Variants in ZYG11A observed in about 807,000 individuals in gnomAD.
ZYG11A encodes the protein protein zyg-11 homolog A.
In ZYG11A, 62 loss-of-function variants were observed where a neutral mutation model predicts 77.2. The ratio of observed to expected loss-of-function variants is 0.80; its 90% CI spans 0.65 to 0.99. ZYG11A has a LOEUF of 0.99. ZYG11A is among the 50% of genes least tolerant of loss of function. The pLI, the probability that ZYG11A is intolerant of heterozygous loss-of-function variation, is 0.00. For missense variants in ZYG11A, 828 were observed against 896.8 expected, an observed-to-expected ratio of 0.92 and a Z score of 0.98; for synonymous variants, 315 against 324.6, an observed-to-expected ratio of 0.97 and a Z score of 0.32.
Position 52,862,534 on chromosome 1 carries a change from G to A in ZYG11A, c.1150-1447G>A, listed in dbSNP as rs544441168. Among the ~76,000 whole-genome samples the A allele has an allele frequency of 5.9e-5, 9 of 151,768 alleles. No individual in the cohort carries two copies. The South Asian group carries it at 1.9e-3, about 32-fold the overall frequency. On this transcript the variant is annotated intron_variant, in intron 4 of 13. Coordinates refer to ENST00000371528, the MANE Select transcript of ZYG11A (RefSeq NM_001004339.3). Reference sequence around the variant, plus strand: ...TCACCGTGTTAGCCAGGATGGTCTCGATTTCCTGACCTCGTGATCCGCCCG... The same window carrying A: ...TCACCGTGTTAGCCAGGATGGTCTCAATTTCCTGACCTCGTGATCCGCCCG...
intron 12 of ZYG11A, among the ~76,000 whole-genome samples, chr1:52,886,403 A>G (rs1055656032): frequency 3.3e-5 from 5 of 152,230 alleles, no homozygotes; most frequent in African/African-American, 7.2e-5. Flanking sequence ...TGAGGATGCA[A>G]TGAGATACTG....
In ZYG11A at chr1:52,845,790, T is replaced by C. The variant is rs113335163; in HGVS notation, c.90+2817T>C. 5.1e-3 allele frequency among the ~76,000 whole-genome samples: 781 copies of C among 151,892 alleles called. 7 individuals are homozygous for C. Among genetic ancestry groups the C allele is most frequent in the African/African-American group, 0.018 (758 of 41,426 alleles). The stretch of plus-strand genomic sequence containing the variant: ...GTCTGTGATCATAGCTCATCCTCCC[T>C]CCTCAGCCTCCCTAGTAGCTAGACT... On this transcript the variant is annotated intron_variant, in intron 1 of 13. Transcript: ENST00000371528.
Position 52,886,958 on chromosome 1 carries a change from C to A in ZYG11A, c.2009C>A (p.Ser670Tyr). ...CKMTALVTYR[S>Y]FKTFFPLLGN... ...CTTTGTACTTTTTTTTGTTTTAGAT[C>A]TTTCAAGACATTTTTCCCGCTCCTT... is the stretch of plus-strand genomic sequence containing the variant. The change falls in exon 13 of 14, where the codon TCT becomes TAT. Residue 670 changes from serine to tyrosine, a missense_variant and splice_region_variant. Ser to Tyr is a moderately radical substitution (Grantham distance 144). Transcript: ENST00000371528. The A allele has an allele frequency of 6.5e-7, 1 of 1,540,140 alleles. No individual in the cohort carries two copies. The highest frequency in any genetic ancestry group is 8.8e-7 in the Non-Finnish European group (1 of 1,137,534).
At chr1:52,852,348 G>C (rs913425759) in intron 1 of ZYG11A, among the ~76,000 whole-genome samples, 1 of 150,154 alleles carries the variant, frequency 6.7e-6, no homozygotes, top group South Asian at 2.1e-4. Context: ...CACCTGGCCC[G>C]ACAGTTAATT....
At chr1:52,883,726 C>T (rs892437894) in intron 11 of ZYG11A, among the ~76,000 whole-genome samples, 1 of 152,026 alleles carries the variant, frequency 6.6e-6, no homozygotes, top group Non-Finnish European at 1.5e-5. Flanking sequence ...CATGCCCAGC[C>T]TAATTTTTAA....
chr1:52,867,319 A>G (rs1646044137), intron 6 of ZYG11A, among the ~76,000 whole-genome samples: 1 of 152,152 alleles, frequency 6.6e-6, no homozygotes, highest in African/African-American at 2.4e-5. Context: ...GCTCATCTTT[A>G]TGTAAATTCT....
rs796555188 is a variant in ZYG11A at position 52,893,846 on chromosome 1, C to T, written c.*889C>T. On this transcript the variant is annotated 3_prime_UTR_variant, in exon 14 of 14. Transcript: ENST00000371528. ...TTTTTTTTTGTGACGGAATCTCGCT[C>T]TGTCGCCCAGGCTGGAGTGCAGTGG... 2.5e-5 allele frequency: 3 copies of T among 121,006 alleles called. No homozygotes were observed. The highest frequency in any genetic ancestry group is 9.8e-5 in the African/African-American group (3 of 30,666). The allele number at this position is 121,006 out of a possible 1,614,324, so 7.5% of individuals were successfully genotyped here.
chr1:52,869,917 C>CA (rs1437381096), intron 8 of ZYG11A, among the ~76,000 whole-genome samples: 1 of 147,760 alleles, frequency 6.8e-6, no homozygotes, highest in Non-Finnish European at 1.5e-5. Flanking sequence ...GGCTGACCCC[C>CA]CCCACACCTC....
At position 52,857,662 on chromosome 1, in the gene ZYG11A, A is replaced by C; in HGVS notation, c.921A>C (p.Ile307=). The part of the protein sequence containing the change: ...CITDEAVELF[I]RLRPAMQFVG... ...CTGATGAAGCTGTAGAACTGTTTAT[A>C]CGACTGCGGCCTGCCATGCAATTTG... The change falls in exon 3 of 14, where the codon ATA becomes ATC. Residue 307 remains isoleucine, a synonymous_variant. Coordinates refer to ENST00000371528, the MANE Select transcript of ZYG11A (RefSeq NM_001004339.3). 6.4e-7 allele frequency: 1 copy of C among 1,552,208 alleles called. No homozygotes were observed. The highest frequency in any genetic ancestry group is 8.7e-7 in the Non-Finnish European group (1 of 1,147,100).
chr1:52,884,515 G>A (rs932568690), intron 11 of ZYG11A, among the ~76,000 whole-genome samples: 10 of 149,670 alleles, frequency 6.7e-5, no homozygotes, highest in Admixed American at 1.3e-4. Context: ...AAAGCCGGGC[G>A]TGGTGGTGGG....
Position 52,842,760 on chromosome 1 carries a change from G to A in ZYG11A, c.-124G>A, listed in dbSNP as rs1337801445. On this transcript the variant is annotated 5_prime_UTR_variant, in exon 1 of 14. Coordinates refer to ENST00000371528, the MANE Select transcript of ZYG11A (RefSeq NM_001004339.3). ...CAAAAGCTCGCCGGCAGGGCGCGGCGCTAGCTCCGTGTGCCTCGCAGGCGT... is the reference window on the plus strand; with the variant it reads ...CAAAAGCTCGCCGGCAGGGCGCGGCACTAGCTCCGTGTGCCTCGCAGGCGT... 1.6e-5 allele frequency: 15 copies of A among 928,932 alleles called. No individual in the cohort carries two copies. Among genetic ancestry groups the A allele is most frequent in the East Asian group, 6.5e-5 (2 of 30,762 alleles). The allele number at this position is 928,932 out of a possible 1,614,324, so 57.5% of individuals were successfully genotyped here.
In ZYG11A at chr1:52,857,259, G is replaced by A. The variant is rs1031364343; in HGVS notation, c.518G>A (p.Arg173Lys). 1 of 1,552,128 alleles carries A rather than the reference G, an allele frequency of 6.4e-7. No individual in the cohort carries two copies. Among genetic ancestry groups the A allele is most frequent in the Non-Finnish European group, 8.7e-7 (1 of 1,147,118 alleles). The change falls in exon 3 of 14, where the codon AGA (arginine) becomes AAA (lysine). Residue 173 changes from arginine to lysine, a missense_variant. Coordinates refer to ENST00000371528, the MANE Select transcript of ZYG11A (RefSeq NM_001004339.3). ...LDSTSIPQNSRLLFFSQLTGL... is the reference protein window; with the variant it reads ...LDSTSIPQNSKLLFFSQLTGL... ...TCGACAAGCATCCCTCAAAATTCAAGATTACTGTTCTTTAGTCAGCTCACT... is the reference window on the plus strand; with the variant it reads ...TCGACAAGCATCCCTCAAAATTCAAAATTACTGTTCTTTAGTCAGCTCACT...
chr1:52,862,130 AC>A (rs1316210254), intron 4 of ZYG11A, among the ~76,000 whole-genome samples: 4 of 151,164 alleles, frequency 2.6e-5, no homozygotes, highest in Admixed American at 2.0e-4. Flanking sequence ...AATCACTTGA[AC>A]CTGGGAGGTG....
intron 8 of ZYG11A, among the ~76,000 whole-genome samples, chr1:52,875,676 AGATTCAAGTTTGAG>A (rs1052616595): frequency 2.7e-5 from 4 of 149,204 alleles, no homozygotes; most frequent in African/African-American, 9.9e-5. Context: ...TCAAGTTTGA[AGATTCAAGTTTGAG>A]GTGATTCAAT....
At position 52,867,585 on chromosome 1, in the gene ZYG11A, A is replaced by C; in HGVS notation, c.1438A>C (p.Asn480His). 1 of 1,552,312 alleles carries C rather than the reference A, an allele frequency of 6.4e-7. No individual in the cohort carries two copies. Among genetic ancestry groups the C allele is most frequent in the Non-Finnish European group, 8.7e-7 (1 of 1,147,140 alleles). ...CATGAGATGGCTCTGTAAGCATGAA[A>C]ACCCCAAGATGCAAACAATGGCAGT... is the stretch of plus-strand genomic sequence containing the variant. ...FVMRWLCKHE[N>H]PKMQTMAVSV... is the part of the protein sequence containing the mutation. Residue 480 changes from asparagine (N) to histidine (H), a missense_variant, in exon 7 of 14, where the codon AAC (asparagine) becomes CAC (histidine). Physicochemically the swap from Asn to His is moderately conservative, Grantham distance 68. Transcript: ENST00000371528.
At chr1:52,857,862 C>G in intron 3 of ZYG11A, 113 bp downstream of exon 3, 2 of 804,452 alleles carry the variant, frequency 2.5e-6, no homozygotes, top group Non-Finnish European at 1.8e-6. Flanking sequence ...ATAAAAAAAT[C>G]CTTAAAGAGC....
At chr1:52,861,788 A>T (rs558790904) in intron 4 of ZYG11A, among the ~76,000 whole-genome samples, 13 of 152,300 alleles carry the variant, frequency 8.5e-5, no homozygotes, top group African/African-American at 3.1e-4. Context: ...GTGGTGGCTC[A>T]TGCCTGTAAT....
intron 1 of ZYG11A, among the ~76,000 whole-genome samples, chr1:52,845,640 T>A (rs971890982): frequency 7.2e-5 from 11 of 151,792 alleles, no homozygotes; most frequent in Non-Finnish European, 1.3e-4. Context: ...TTTGAATTTT[T>A]TTTTTTTTTT....
Position 52,867,182 on chromosome 1 carries a change from G to GT in ZYG11A, c.1392-354dup, listed in dbSNP as rs1571858368. ...CTCAGTCACTTTGTAACTGAGTGATGTTTGCTGCAGCATTTTAGCATTGTC... is the reference window on the plus strand; with the variant it reads ...CTCAGTCACTTTGTAACTGAGTGATGTTTTGCTGCAGCATTTTAGCATTGTC... On this transcript the variant is annotated intron_variant, in intron 6 of 13. Coordinates refer to ENST00000371528, the MANE Select transcript of ZYG11A (RefSeq NM_001004339.3). 2.0e-5 allele frequency among the ~76,000 whole-genome samples: 3 copies of GT among 152,162 alleles called. No homozygotes were observed. In the East Asian group the frequency reaches 5.8e-4, roughly 29 times the overall value.
Sources: gnomAD v4.1 joint callset for allele counts (sites outside exome capture counted in the v4.1 genomes callset) on GRCh38, gnomAD v4.1.1 for gene constraint, MANE v1.5 for transcripts, NCBI Gene and HGNC (gene_info 2026-07-23, HGNC 2026-07-21) for gene names.